The following DTNBP1 variants were observed in gnomAD, a reference collection of about 807,000 sequenced individuals.
DTNBP1 encodes the protein dysbindin.
Under a neutral mutation model 42.8 loss-of-function variants are expected in DTNBP1, and 35 were observed. The ratio of observed to expected loss-of-function variants is 0.82; its 90% CI spans 0.63 to 1.09. The LOEUF (loss-of-function observed/expected upper bound fraction) is 1.09. Ranked by LOEUF, DTNBP1 falls within the 50% of genes least tolerant of loss-of-function variation. The probability of loss-of-function intolerance (pLI) is 0.00; values close to 1 mark genes in which losing one functional copy is unlikely to be tolerated. For missense variants in DTNBP1, 457 were observed against 424.2 expected, an observed-to-expected ratio of 1.08 and a Z score of -0.68; for synonymous variants, 171 against 162.2, an observed-to-expected ratio of 1.05 and a Z score of -0.41.
At chr6:15,532,041 C>T (rs1262963120) in intron 8 of DTNBP1, among the ~76,000 whole-genome samples, 1 of 152,188 alleles carries the variant, frequency 6.6e-6, no homozygotes, top group Non-Finnish European at 1.5e-5. Flanking sequence ...GAACAAAGGC[C>T]AGGGCCAGGC....
intron 7 of DTNBP1, chr6:15,580,000 G>C (rs570058814): frequency 4.2e-6 from 1 of 235,616 alleles, no homozygotes; most frequent in Non-Finnish European, 8.9e-6. Flanking sequence ...CAATTCATTT[G>C]AATAAAAAAT....
chr6:15,633,395 T>C (rs1202145385), intron 4 of DTNBP1, among the ~76,000 whole-genome samples: 1 of 152,174 alleles, frequency 6.6e-6, no homozygotes, highest in Non-Finnish European at 1.5e-5. Flanking sequence ...TCATGACTCA[T>C]GGGAGGAAAT....
intron 5 of DTNBP1, 74 bp downstream of exon 5, chr6:15,627,269 C>G (rs1759401451): frequency 2.5e-6 from 4 of 1,585,390 alleles, no homozygotes; most frequent in Non-Finnish European, 3.4e-6. Context: ...CTGAAAAGCT[C>G]TGAAATTACA....
rs1561928587 is a variant in DTNBP1, at chr6:15,522,822, C to A, written c.*153G>T. ...GCGCTCTCAGTTTACCGTCCTCACA[C>A]TTTATTGTTAGCTGTTCTTTAAGTT... On this transcript the variant is annotated 3_prime_UTR_variant, in exon 10 of 10. Transcript: ENST00000344537. 1.4e-5 allele frequency: 19 copies of A among 1,375,286 alleles called. No individual in the cohort carries two copies. In the South Asian group the frequency reaches 2.0e-4, roughly 14 times the overall value. 85.2% of individuals were successfully genotyped at this position (1,375,286 alleles called of 1,614,324 possible). A position where few individuals can be genotyped will look rare whatever the true frequency, so the allele number is the denominator to read the frequency against.
chr6:15,617,568 C>G (rs1758782713), intron 5 of DTNBP1, among the ~76,000 whole-genome samples: 1 of 151,854 alleles, frequency 6.6e-6, no homozygotes, highest in Non-Finnish European at 1.5e-5. Flanking sequence ...ACAAATAAAT[C>G]CACATATTTA....
In DTNBP1 at chr6:15,587,345, A is replaced by G. The variant is rs547527388; in HGVS notation, c.511+5714T>C. Among the ~76,000 whole-genome samples, 13 of 152,330 alleles carry G rather than the reference A, an allele frequency of 8.5e-5. No homozygotes were observed. Among genetic ancestry groups the G allele is most frequent in the African/African-American group, 3.1e-4 (13 of 41,576 alleles). On this transcript the variant is annotated intron_variant, in intron 7 of 9. Transcript: ENST00000344537. The surrounding 1 kb of genome is among the most constrained non-coding windows in gnomAD (Gnocchi z 4.1). ...CCCCAAATTGATCTATACATGCAAC[A>G]CAACCATCCCTATTCAAGTCTCAGT... is the stretch of plus-strand genomic sequence containing the variant.
intron 7 of DTNBP1, among the ~76,000 whole-genome samples, chr6:15,545,098 C>A (rs1773793957): frequency 6.6e-6 from 1 of 151,960 alleles, no homozygotes; most frequent in Non-Finnish European, 1.5e-5. Context: ...AAGGTATACA[C>A]AACAATTTTT....
In DTNBP1 at chr6:15,533,411, A is replaced by G. The variant is rs112527545; in HGVS notation, c.512-16T>C. 3.0e-5 allele frequency: 49 copies of G among 1,614,198 alleles called. No individual in the cohort carries two copies. In the African/African-American group the frequency reaches 5.1e-4, roughly 17 times the overall value. ...TCTAGTTCAGCTGAGGAAACAGAAT[A>G]ACTGGGGTTAGGGTTTGAAAAGGGA... On this transcript the variant is annotated splice_polypyrimidine_tract_variant and intron_variant, in intron 7 of 9. Coordinates refer to ENST00000344537, the MANE Select transcript of DTNBP1 (RefSeq NM_032122.5).
chr6:15,633,256 T>C (rs1759797119), intron 4 of DTNBP1, among the ~76,000 whole-genome samples: 1 of 152,218 alleles, frequency 6.6e-6, no homozygotes, highest in Non-Finnish European at 1.5e-5. Flanking sequence ...TTTTAAGTGT[T>C]ATTGTTTAAG....
intron 7 of DTNBP1, among the ~76,000 whole-genome samples, chr6:15,585,027 T>C (rs1171856037): frequency 1.0e-4 from 14 of 139,726 alleles, no homozygotes; most frequent in Non-Finnish European, 1.8e-4. Flanking sequence ...GGCTAACAGA[T>C]AAGGAATACA....
chr6:15,631,012 A>T (rs1759666003), intron 4 of DTNBP1, among the ~76,000 whole-genome samples: 2 of 152,256 alleles, frequency 1.3e-5, no homozygotes, highest in African/African-American at 4.8e-5. Context: ...CTATATAGTT[A>T]TAATAATTAG....
chr6:15,591,414 G>A (rs190040385), intron 7 of DTNBP1, among the ~76,000 whole-genome samples: 111 of 152,138 alleles, frequency 7.3e-4, no homozygotes, highest in African/African-American at 2.6e-3. Flanking sequence ...CCCAGGCCAC[G>A]TTTTAAAAAT....
At chr6:15,552,462 T>C (rs1024176639) in intron 7 of DTNBP1, among the ~76,000 whole-genome samples, 1 of 152,184 alleles carries the variant, frequency 6.6e-6, no homozygotes, top group African/African-American at 2.4e-5. Flanking sequence ...ACATCCAAGA[T>C]ATTACAGGAT....
chr6:15,537,085 G>C (rs1019087639), intron 7 of DTNBP1, among the ~76,000 whole-genome samples: 1 of 152,140 alleles, frequency 6.6e-6, no homozygotes, highest in African/African-American at 2.4e-5. Context: ...GGGCTCCTAG[G>C]CTAGACATTT....
At chr6:15,548,425 T>C (rs1774003662) in intron 7 of DTNBP1, 2 of 134,600 alleles carry the variant, frequency 1.5e-5, no homozygotes, top group South Asian at 4.7e-4. Context: ...ATCTCTAAGC[T>C]TAAACACACA....
At chr6:15,588,764 A>G (rs1393260720) in intron 7 of DTNBP1, among the ~76,000 whole-genome samples, 1 of 152,208 alleles carries the variant, frequency 6.6e-6, no homozygotes. Context: ...TTTAACTTGT[A>G]TTCTTGAAAT....
At chr6:15,660,259 T>C in intron 1 of DTNBP1, 1 of 853,632 alleles carries the variant, frequency 1.2e-6, no homozygotes, top group Non-Finnish European at 1.7e-6. Context: ...TAAACACATG[T>C]GTGCTGTGTT....
At chr6:15,585,796 G>T (rs1460091758) in intron 7 of DTNBP1, 1 of 1,522,382 alleles carries the variant, frequency 6.6e-7, no homozygotes, top group Non-Finnish European at 8.8e-7. Context: ...CAGAAGCTCA[G>T]TGCTGGTCAA....
chr6:15,527,942 ACT>A (rs1273575901), intron 8 of DTNBP1, among the ~76,000 whole-genome samples: 4 of 152,046 alleles, frequency 2.6e-5, no homozygotes, highest in South Asian at 2.1e-4. Context: ...AGAATAGGTA[ACT>A]CTTCAAATAG....
Sources: gnomAD v4.1 joint callset for allele counts (sites outside exome capture counted in the v4.1 genomes callset) on GRCh38, gnomAD v4.1.1 for gene constraint, Gnocchi (gnomAD v3.1) non-coding constraint, MANE v1.5 for transcripts, NCBI Gene and HGNC (gene_info 2026-07-23, HGNC 2026-07-21) for gene names.